ITGBL1: variants seen among roughly 807,000 people sequenced by gnomAD.
ITGBL1 encodes integrin subunit beta like 1.
Under a neutral mutation model 68.5 loss-of-function variants are expected in ITGBL1, and 51 were observed. The observed-to-expected ratio is 0.74, with a 90% confidence interval of 0.59 to 0.94. The LOEUF (loss-of-function observed/expected upper bound fraction) is 0.94, where lower values mean the gene tolerates loss of function less well. Among genes scored for constraint, ITGBL1 ranks in the 40% least tolerant of loss-of-function variants. The pLI is 0.00. For missense variants in ITGBL1, 649 were observed against 647.4 expected, an observed-to-expected ratio of 1.00 and a Z score of -0.03; for synonymous variants, 209 against 227.3, an observed-to-expected ratio of 0.92 and a Z score of 0.72.
At chr13:101,513,362 T>C (rs2049145585) in intron 2 of ITGBL1, among the ~76,000 whole-genome samples, 1 of 152,070 alleles carries the variant, frequency 6.6e-6, no homozygotes, top group African/African-American at 2.4e-5. Flanking sequence ...ATAAGGCAGG[T>C]ACACAGTAAG....
chr13:101,477,868 C>A (rs1225530211), intron 2 of ITGBL1, among the ~76,000 whole-genome samples: 4 of 151,918 alleles, frequency 2.6e-5, no homozygotes, highest in Non-Finnish European at 5.9e-5. Flanking sequence ...CCTAGTAAAG[C>A]CCAGGACTCA....
chr13:101,492,403 C>T (rs1377183479), intron 2 of ITGBL1, among the ~76,000 whole-genome samples: 2 of 152,160 alleles, frequency 1.3e-5, no homozygotes, highest in Non-Finnish European at 1.5e-5. Context: ...AATGTGGTTG[C>T]TTTTAGAGTC....
chr13:101,564,178 A>G (rs1448258364), intron 2 of ITGBL1, among the ~76,000 whole-genome samples: 1 of 151,970 alleles, frequency 6.6e-6, no homozygotes, highest in Non-Finnish European at 1.5e-5. Flanking sequence ...AGGAACTACA[A>G]GAGCTGAAAT....
chr13:101,604,287 A>T (rs919182940), intron 7 of ITGBL1, among the ~76,000 whole-genome samples: 2 of 152,038 alleles, frequency 1.3e-5, no homozygotes, highest in East Asian at 3.9e-4. Context: ...TTCCTCAAAC[A>T]TGCATGTTTC....
At chr13:101,630,281 A>G (rs182977632) in intron 7 of ITGBL1, among the ~76,000 whole-genome samples, 107 of 152,316 alleles carry the variant, frequency 7.0e-4, no homozygotes, top group African/African-American at 2.5e-3. Context: ...GTCATTCAAT[A>G]TTTATTTTGA....
chr13:101,536,249 C>G (rs1318253212), intron 2 of ITGBL1, among the ~76,000 whole-genome samples: 1 of 151,908 alleles, frequency 6.6e-6, no homozygotes, highest in African/African-American at 2.4e-5. Flanking sequence ...CCCTATCCCT[C>G]CCTGAAGTCA....
intron 7 of ITGBL1, among the ~76,000 whole-genome samples, chr13:101,645,397 A>G (rs1310285571): frequency 6.6e-6 from 1 of 152,078 alleles, no homozygotes; most frequent in African/African-American, 2.4e-5. Context: ...TCATACAATT[A>G]TATTTCATTG....
intron 2 of ITGBL1, among the ~76,000 whole-genome samples, chr13:101,497,208 A>G (rs1244780190): frequency 1.3e-5 from 2 of 152,246 alleles, no homozygotes; most frequent in Non-Finnish European, 2.9e-5. Context: ...CATATTAATT[A>G]TTATAACTAA....
chr13:101,481,355 A>G (rs551547467), intron 2 of ITGBL1, among the ~76,000 whole-genome samples: 2 of 152,142 alleles, frequency 1.3e-5, no homozygotes, highest in African/African-American at 4.8e-5. Flanking sequence ...TTAATAGCTA[A>G]TAGTGAAATT....
At chr13:101,472,359 T>C (rs891363485) in intron 2 of ITGBL1, among the ~76,000 whole-genome samples, 9 of 152,182 alleles carry the variant, frequency 5.9e-5, no homozygotes, top group African/African-American at 2.2e-4. Context: ...TAGTTGTCTG[T>C]TTTTATATGC....
At chr13:101,484,640 A>G (rs910640085) in intron 2 of ITGBL1, among the ~76,000 whole-genome samples, 13 of 152,140 alleles carry the variant, frequency 8.5e-5, no homozygotes, top group African/African-American at 3.1e-4. Flanking sequence ...TGCTACATGA[A>G]TATGTTGTAT....
chr13:101,652,833 C>T (rs954849094), intron 7 of ITGBL1, among the ~76,000 whole-genome samples: 1 of 152,046 alleles, frequency 6.6e-6, no homozygotes, highest in Non-Finnish European at 1.5e-5. Context: ...TGTGGTGGCT[C>T]GTGCCTGTAA....
intron 2 of ITGBL1, among the ~76,000 whole-genome samples, chr13:101,489,737 A>G (rs1333339641): frequency 6.6e-6 from 1 of 152,174 alleles, no homozygotes; most frequent in East Asian, 1.9e-4. Flanking sequence ...TATTTTTCAC[A>G]GTACAGGAAA....
intron 8 of ITGBL1, among the ~76,000 whole-genome samples, chr13:101,702,437 G>A (rs1420055252): frequency 3.3e-5 from 5 of 152,012 alleles, no homozygotes; most frequent in South Asian, 4.1e-4. Flanking sequence ...GTTTTAAAGT[G>A]AAAGATTACA....
At chr13:101,718,559 T>C (rs2034808411), downstream of ITGBL1, 2 of 135,710 alleles carry the variant, frequency 1.5e-5, no homozygotes, top group Admixed American at 8.2e-5. Flanking sequence ...CGCTGCTTGT[T>C]TGGCAAATCA....
At chr13:101,560,917 T>A (rs2050089294) in intron 2 of ITGBL1, among the ~76,000 whole-genome samples, 1 of 152,196 alleles carries the variant, frequency 6.6e-6, no homozygotes, top group Non-Finnish European at 1.5e-5. Flanking sequence ...GGTTTCCACT[T>A]AGGGATGTAG....
At chr13:101,534,612 A>G (rs1443559823) in intron 2 of ITGBL1, among the ~76,000 whole-genome samples, 1 of 152,268 alleles carries the variant, frequency 6.6e-6, no homozygotes, top group Non-Finnish European at 1.5e-5. Context: ...ATCTTAGTTC[A>G]TGATGGCCTC....
chr13:101,554,468 G>C (rs992508700), intron 2 of ITGBL1, among the ~76,000 whole-genome samples: 1 of 152,178 alleles, frequency 6.6e-6, no homozygotes, highest in Admixed American at 6.5e-5. Flanking sequence ...TGTGGTCAAT[G>C]GTGGGCAGTC....
chr13:101,490,304 C>G (rs997961486), intron 2 of ITGBL1, among the ~76,000 whole-genome samples: 1 of 152,186 alleles, frequency 6.6e-6, no homozygotes, highest in Non-Finnish European at 1.5e-5. Flanking sequence ...TCTTCCCGCA[C>G]TTTGTTCTTG....
Sources: allele counts gnomAD v4.1 joint callset (sites outside exome capture counted in the v4.1 genomes callset), GRCh38; gene constraint gnomAD v4.1.1; transcripts MANE v1.5; gene names NCBI Gene and HGNC (gene_info 2026-07-23, HGNC 2026-07-21).